The following SV2C variants were observed in gnomAD, a reference collection of about 807,000 sequenced individuals.
The protein encoded by SV2C is solute carrier family 22 member B3.
In SV2C, 49 loss-of-function variants were observed where a neutral mutation model predicts 79.7. The ratio of observed to expected loss-of-function variants is 0.61; its 90% CI spans 0.49 to 0.78. SV2C has a LOEUF of 0.78. SV2C is among the 30% of genes least tolerant of loss of function. The pLI is 0.00. For synonymous variants in SV2C, 334 were observed against 333.2 expected, an observed-to-expected ratio of 1.00 and a Z score of -0.03; for missense variants, 833 against 912.9, an observed-to-expected ratio of 0.91 and a Z score of 1.13.
the SV2C span, among the ~76,000 whole-genome samples, chr5:76,063,699 G>A: frequency 2.0e-5 from 3 of 152,122 alleles, no homozygotes; most frequent in Admixed American, 1.3e-4. Flanking sequence ...CAATTGAATT[G>A]TCTCATACTC....
chr5:76,223,435 A>G (rs1232037976), intron 4 of SV2C, among the ~76,000 whole-genome samples: 1 of 63,630 alleles, frequency 1.6e-5, no homozygotes, highest in Non-Finnish European at 2.9e-5. Context: ...CTCTTTATAT[A>G]CATACATACA....
downstream of SV2C, among the ~76,000 whole-genome samples, chr5:76,338,660 T>TTTTTC (rs1491146255): frequency 7.5e-4 from 16 of 21,240 alleles, no homozygotes; most frequent in Non-Finnish European, 2.5e-3. Context: ...TTTCTTTTTC[T>TTTTTC]TTTTTTTTTT....
intron 4 of SV2C, among the ~76,000 whole-genome samples, chr5:76,229,069 G>T (rs183163778): frequency 2.0e-5 from 3 of 152,272 alleles, no homozygotes; most frequent in Non-Finnish European, 4.4e-5. Context: ...CCCACAAAAC[G>T]TGTCCTCCAA....
At chr5:76,276,654 T>TG (rs1747031488) in intron 4 of SV2C, among the ~76,000 whole-genome samples, 2 of 151,368 alleles carry the variant, frequency 1.3e-5, no homozygotes, top group South Asian at 4.2e-4. Context: ...TTTTTTTTTT[T>TG]GAGACAGCAT....
At chr5:76,252,425 G>A (rs1225172981) in intron 4 of SV2C, among the ~76,000 whole-genome samples, 1 of 152,166 alleles carries the variant, frequency 6.6e-6, no homozygotes, top group African/African-American at 2.4e-5. Context: ...CCCAGCCGCA[G>A]TGATACATTT....
At chr5:76,123,407 T>A (rs1226735482) in intron 1 of SV2C, among the ~76,000 whole-genome samples, 1 of 152,182 alleles carries the variant, frequency 6.6e-6, no homozygotes. Flanking sequence ...TACCAAAGCC[T>A]AGCAGAGACA....
intron 4 of SV2C, among the ~76,000 whole-genome samples, chr5:76,277,042 T>C (rs1429862254): frequency 6.6e-6 from 1 of 152,190 alleles, no homozygotes. Context: ...ATTAAAATTG[T>C]GATGAGATAC....
intron 4 of SV2C, among the ~76,000 whole-genome samples, chr5:76,210,734 T>C (rs1744743614): frequency 6.6e-6 from 1 of 152,198 alleles, no homozygotes; most frequent in African/African-American, 2.4e-5. Flanking sequence ...CTTATGATCA[T>C]GGCTTGGTCT....
At chr5:75,859,323 C>T in the SV2C span, among the ~76,000 whole-genome samples, 1 of 152,198 alleles carries the variant, frequency 6.6e-6, no homozygotes, top group Non-Finnish European at 1.5e-5. Flanking sequence ...TGCCTCTTCA[C>T]ATACGAGGGC....
chr5:76,078,176 C>T, the SV2C span, among the ~76,000 whole-genome samples: 2 of 152,160 alleles, frequency 1.3e-5, no homozygotes, highest in African/African-American at 4.8e-5. Flanking sequence ...AGAACAAGGA[C>T]ATCACCTTCC....
chr5:75,871,392 GT>G, the SV2C span, among the ~76,000 whole-genome samples: 424 of 152,108 alleles, frequency 2.8e-3, 5 homozygotes, highest in African/African-American at 9.7e-3. Flanking sequence ...GAATTGAGAA[GT>G]ATAAATACTG....
chr5:76,095,256 TG>T (rs954018733), intron 1 of SV2C, among the ~76,000 whole-genome samples: 15 of 152,180 alleles, frequency 9.9e-5, no homozygotes, highest in African/African-American at 3.4e-4. Context: ...CTTGCATCCA[TG>T]TAGTAGATTT....
the SV2C span, among the ~76,000 whole-genome samples, chr5:75,858,944 T>G: frequency 1.3e-5 from 2 of 152,132 alleles, no homozygotes; most frequent in Non-Finnish European, 2.9e-5. Flanking sequence ...AACGTCTTCT[T>G]TTTCATCCCT....
At chr5:76,133,646 G>A (rs1748978122) in intron 2 of SV2C, among the ~76,000 whole-genome samples, 1 of 152,190 alleles carries the variant, frequency 6.6e-6, no homozygotes, top group African/African-American at 2.4e-5. Context: ...GGAGCATATT[G>A]TGCATATTTT....
intron 4 of SV2C, among the ~76,000 whole-genome samples, chr5:76,263,848 G>T (rs1283764765): frequency 2.0e-5 from 3 of 152,132 alleles, no homozygotes; most frequent in East Asian, 1.9e-4. Flanking sequence ...TTCTCTGGCT[G>T]CCCTTAACAT....
At chr5:76,006,664 T>A in the SV2C span, among the ~76,000 whole-genome samples, 1 of 152,118 alleles carries the variant, frequency 6.6e-6, no homozygotes, top group African/African-American at 2.4e-5. Flanking sequence ...TACCTCCAAT[T>A]TCCTGGAGGA....
the SV2C span, among the ~76,000 whole-genome samples, chr5:76,030,289 T>TTTTTTAATTTATTTA: frequency 8.5e-6 from 1 of 117,874 alleles, no homozygotes; most frequent in African/African-American, 3.9e-5. Context: ...TTTTTTTTTT[T>TTTTTTAATTTATTTA]TTTATTTATT....
At chr5:76,185,381 C>T (rs1408418195) in intron 2 of SV2C, among the ~76,000 whole-genome samples, 1 of 152,242 alleles carries the variant, frequency 6.6e-6, no homozygotes, top group Non-Finnish European at 1.5e-5. Flanking sequence ...AGTGGGGACT[C>T]TGTGTGGGGG....
chr5:76,295,669 G>C, intron 8 of SV2C, 109 bp from the exon 9 acceptor site: 1 of 1,049,374 alleles, frequency 9.5e-7, no homozygotes, highest in Non-Finnish European at 1.4e-6. Flanking sequence ...ATGTTATAGG[G>C]AGCCAGCCAT....
Sources: gnomAD v4.1 joint callset for allele counts (sites outside exome capture counted in the v4.1 genomes callset) on GRCh38, gnomAD v4.1.1 for gene constraint, MANE v1.5 for transcripts, NCBI Gene and HGNC (gene_info 2026-07-23, HGNC 2026-07-21) for gene names.